The following MAP4K3 variants were observed in gnomAD, a reference collection of about 807,000 sequenced individuals.
MAP4K3 encodes mitogen-activated protein kinase kinase kinase kinase 3, also known as MAPK/ERK kinase kinase kinase 3.
A neutral mutation model predicts 143.5 loss-of-function variants in MAP4K3; 94 were observed. The observed-to-expected ratio is 0.65, with a 90% CI of 0.55 to 0.78. MAP4K3 has a LOEUF of 0.78. Among genes scored for constraint, MAP4K3 ranks in the 30% least tolerant of loss-of-function variants. The probability of loss-of-function intolerance (pLI) is 0.00; values close to 1 mark genes in which losing one functional copy is unlikely to be tolerated. For missense variants in MAP4K3, 1,077 were observed against 1,068.1 expected, an observed-to-expected ratio of 1.01 and a Z score of -0.12; for synonymous variants, 416 against 347.2, an observed-to-expected ratio of 1.20 and a Z score of -2.20.
At chr2:39,319,786 T>C (rs1683244070) in intron 12 of MAP4K3, among the ~76,000 whole-genome samples, 1 of 152,336 alleles carries the variant, frequency 6.6e-6, no homozygotes, top group Non-Finnish European at 1.5e-5. Flanking sequence ...TGATGTGCTC[T>C]TAATCCATAT....
intron 29 of MAP4K3, among the ~76,000 whole-genome samples, chr2:39,259,819 T>C (rs1236057185): frequency 6.6e-6 from 1 of 152,200 alleles, no homozygotes; most frequent in African/African-American, 2.4e-5. Flanking sequence ...GTAATATTAA[T>C]TTAATTATTT....
Position 39,337,747 on chromosome 2 carries a change from C to T in MAP4K3, c.311-166G>A, listed in dbSNP as rs930114984. ...ATTACTACTGTCCTACTGTGCCTGGCTCCAGTTTTTTTTTTTTTTTTTTTT... is the reference window on the plus strand; with the variant it reads ...ATTACTACTGTCCTACTGTGCCTGGTTCCAGTTTTTTTTTTTTTTTTTTTT... On this transcript the variant is annotated intron_variant, in intron 4 of 33. Transcript: ENST00000263881. Among the ~76,000 whole-genome samples the T allele has an allele frequency of 1.4e-4, 19 of 135,112 alleles. 1 individual carries two copies. Among genetic ancestry groups the T allele is most frequent in the African/African-American group, 5.3e-4 (19 of 35,646 alleles). 88.6% of individuals were successfully genotyped at this position (135,112 alleles called of 152,430 possible). A position where few individuals can be genotyped will look rare whatever the true frequency, so the allele number is the denominator to read the frequency against.
At chr2:39,309,548 A>AC in intron 13 of MAP4K3, 29 bp from the exon 14 acceptor site, 3 of 338,208 alleles carry the variant, frequency 8.9e-6, no homozygotes, top group South Asian at 5.1e-5. Flanking sequence ...TAAAACCAGG[A>AC]TTTTTTTTTT....
At chr2:39,267,447 C>T (rs910045505) in intron 26 of MAP4K3, 200 bp from the exon 27 acceptor site, 100 of 526,772 alleles carry the variant, frequency 1.9e-4, no homozygotes, top group African/African-American at 1.6e-3. Flanking sequence ...CCGAGGTGGG[C>T]GGATCACAAG....
chr2:39,383,444 G>A (rs1194865249), intron 1 of MAP4K3, among the ~76,000 whole-genome samples: 2 of 152,046 alleles, frequency 1.3e-5, no homozygotes, highest in African/African-American at 2.4e-5. Context: ...TCTACAACAT[G>A]TGGGGATTAT....
intron 12 of MAP4K3, 165 bp from the exon 13 acceptor site, chr2:39,315,553 C>T (rs1266428051): frequency 5.7e-6 from 3 of 530,080 alleles, no homozygotes; most frequent in Non-Finnish European, 1.0e-5. Flanking sequence ...ACAATAGCAG[C>T]TCAAACTATT....
At chr2:39,426,070 T>C (rs894336799) in intron 1 of MAP4K3, among the ~76,000 whole-genome samples, 5 of 152,186 alleles carry the variant, frequency 3.3e-5, no homozygotes, top group African/African-American at 1.2e-4. Flanking sequence ...GTGAAGAAAC[T>C]TGGCACACCC....
chr2:39,337,777 T>TA (rs1431098995), intron 4 of MAP4K3, among the ~76,000 whole-genome samples, 196 bp from the exon 5 acceptor site: 1 of 144,890 alleles, frequency 6.9e-6, no homozygotes, highest in Non-Finnish European at 1.5e-5. Flanking sequence ...TTTTTTTTTT[T>TA]TTTGAGACAG....
intron 3 of MAP4K3, among the ~76,000 whole-genome samples, chr2:39,353,389 A>G (rs1665514373): frequency 6.6e-6 from 1 of 152,220 alleles, no homozygotes; most frequent in Non-Finnish European, 1.5e-5. Flanking sequence ...ACTACCATTT[A>G]CCTTCAAATC....
At chr2:39,405,562 T>A (rs1171971858) in intron 1 of MAP4K3, among the ~76,000 whole-genome samples, 3 of 152,004 alleles carry the variant, frequency 2.0e-5, no homozygotes, top group African/African-American at 7.2e-5. Flanking sequence ...CATGACCTCA[T>A]CAAACAAACT....
intron 1 of MAP4K3, among the ~76,000 whole-genome samples, chr2:39,436,483 C>T (rs1321344286): frequency 2.0e-5 from 3 of 152,050 alleles, no homozygotes; most frequent in Admixed American, 6.5e-5. Context: ...CTAGAGCGGA[C>T]GACCCCAGGT....
chr2:39,350,113 G>A (rs1665410359), intron 3 of MAP4K3, among the ~76,000 whole-genome samples: 2 of 152,160 alleles, frequency 1.3e-5, no homozygotes, highest in African/African-American at 4.8e-5. Context: ...CTTACAATGC[G>A]CAGGACTATC....
chr2:39,355,352 T>C (rs1573190865), intron 3 of MAP4K3, among the ~76,000 whole-genome samples: 5 of 73,332 alleles, frequency 6.8e-5, no homozygotes, highest in Admixed American at 2.1e-4. Flanking sequence ...AGAGCAAGAC[T>C]CCACCTCAAA....
chr2:39,371,248 T>C (rs553097488), intron 2 of MAP4K3, among the ~76,000 whole-genome samples: 171 of 152,314 alleles, frequency 1.1e-3, no homozygotes, highest in African/African-American at 4.0e-3. Flanking sequence ...AAGTGGTGTT[T>C]TGATAGGCTT....
At chr2:39,369,917 T>C (rs1478924971) in intron 2 of MAP4K3, among the ~76,000 whole-genome samples, 1 of 152,206 alleles carries the variant, frequency 6.6e-6, no homozygotes, top group Non-Finnish European at 1.5e-5. Flanking sequence ...ACCACCTACA[T>C]ATGCACACAC....
chr2:39,402,932 C>T lies in MAP4K3; in HGVS notation c.97-24809G>A, dbSNP rs115040573. ...AGAAAATATTATAAATAATTTTATG[C>T]CATTAAATTTCAACTTGGATGAAAT... On this transcript the variant is annotated intron_variant, in intron 1 of 33. Coordinates refer to ENST00000263881, the MANE Select transcript of MAP4K3 (RefSeq NM_003618.4). 3.8e-3 allele frequency among the ~76,000 whole-genome samples: 570 copies of T among 151,896 alleles called. 4 individuals are homozygous for T. The highest frequency in any genetic ancestry group is 0.013 in the African/African-American group (545 of 41,434).
At chr2:39,290,725 T>C (rs1464791294) in intron 18 of MAP4K3, among the ~76,000 whole-genome samples, 2 of 152,172 alleles carry the variant, frequency 1.3e-5, no homozygotes, top group Non-Finnish European at 2.9e-5. Flanking sequence ...ATGTAAATAC[T>C]TACAGTATGT....
intron 1 of MAP4K3, among the ~76,000 whole-genome samples, chr2:39,394,522 T>A: frequency 6.6e-6 from 1 of 152,298 alleles, no homozygotes; most frequent in Middle Eastern, 3.4e-3. Flanking sequence ...ATGTTTTCTG[T>A]TGTGCTTTTA....
chr2:39,344,403 G>C (rs1558657345), intron 3 of MAP4K3, among the ~76,000 whole-genome samples: 1 of 152,180 alleles, frequency 6.6e-6, no homozygotes, highest in Non-Finnish European at 1.5e-5. Flanking sequence ...AAATAAAATG[G>C]TTGAGAAAAT....
Sources: gnomAD v4.1 joint callset for allele counts (sites outside exome capture counted in the v4.1 genomes callset) on GRCh38, gnomAD v4.1.1 for gene constraint, MANE v1.5 for transcripts, NCBI Gene and HGNC (gene_info 2026-07-23, HGNC 2026-07-21) for gene names.